VEGFD: variants seen among roughly 807,000 people sequenced by gnomAD.
VEGFD encodes the protein c-fos induced growth factor (vascular endothelial growth factor D).
VEGFD carries 26 observed loss-of-function variants against 28.0 expected under a neutral mutation model. That is an observed-to-expected ratio of 0.93 (90% CI 0.68 to 1.29). VEGFD has a LOEUF of 1.29. Ranked by LOEUF, VEGFD falls within the 50% of genes most tolerant of loss-of-function variation. The pLI, the probability that VEGFD is intolerant of heterozygous loss-of-function variation, is 0.00. For missense variants in VEGFD, 294 were observed against 273.4 expected (o/e 1.08, Z -0.53); for synonymous variants, 93 against 95.5 (o/e 0.97, Z 0.15).
At chrX:15,372,572 A>C (rs994084120) in intron 1 of VEGFD, among the ~76,000 whole-genome samples, 2 of 111,215 alleles carry the variant, frequency 1.8e-5, no homozygotes, top group Non-Finnish European at 3.8e-5. Flanking sequence ...TCTGGGCTGC[A>C]GCTTTGCCAT....
At chrX:15,381,555 A>G (rs991059199) in intron 1 of VEGFD, among the ~76,000 whole-genome samples, 23 of 111,192 alleles carry the variant, frequency 2.1e-4, no homozygotes, top group Admixed American at 9.5e-5. Flanking sequence ...AAAAATTCAA[A>G]TACCACCACC....
Position 15,351,510 on chromosome X carries a change from C to T in VEGFD, c.742+1558G>A, listed in dbSNP as rs774981355. 1.3e-4 allele frequency among the ~76,000 whole-genome samples: 15 copies of T among 111,742 alleles called. No individual in the cohort carries two copies. The East Asian group carries it at 4.0e-3, about 30-fold the overall frequency. ...GATTACAGGCATGAGCCACCATTCCCGGCCAACCCCACAAAAATTTTCTAA... is the reference window on the plus strand; with the variant it reads ...GATTACAGGCATGAGCCACCATTCCTGGCCAACCCCACAAAAATTTTCTAA... On this transcript the variant is annotated intron_variant, in intron 5 of 6. Transcript: ENST00000297904.
At chrX:15,380,077 A>G in intron 1 of VEGFD, among the ~76,000 whole-genome samples, 1 of 112,327 alleles carries the variant, frequency 8.9e-6, no homozygotes, top group Non-Finnish European at 1.9e-5. Flanking sequence ...ACTTAACTAC[A>G]AGGTCATAAA....
Position 15,347,255 on chromosome X carries a change from G to A in VEGFD, c.847C>T (p.Gln283Ter). 1 of 1,211,451 alleles carries A rather than the reference G, an allele frequency of 8.3e-7. No homozygotes were observed. The highest frequency in any genetic ancestry group is 1.1e-6 in the Non-Finnish European group (1 of 895,175). The change falls in exon 6 of 7, where the codon CAG becomes TAG. Residue 283 changes from glutamine (Q) to a stop codon, truncating the protein, a stop_gained. Transcript: ENST00000297904. LOFTEE classifies it high-confidence loss of function. Reference protein sequence around the residue: ...CKTPCPKDLIQHPKNCSCFEC... With the variant: ...CKTPCPKDLI ...AAGCAACTGCAGTTTTTGGGGTGCTGGATTAGATCTTTGGGACATGGTGTT... is the reference window on the plus strand; with the variant it reads ...AAGCAACTGCAGTTTTTGGGGTGCTAGATTAGATCTTTGGGACATGGTGTT...
chrX:15,378,158 C>T (rs1234734880), intron 1 of VEGFD, among the ~76,000 whole-genome samples: 2 of 111,679 alleles, frequency 1.8e-5, no homozygotes, highest in Non-Finnish European at 3.8e-5. Context: ...TTTCTGTTAC[C>T]AACAGGCTGG....
intron 3 of VEGFD, among the ~76,000 whole-genome samples, 193 bp from the exon 4 acceptor site, chrX:15,355,491 G>C (rs1251447393): frequency 8.9e-6 from 1 of 111,856 alleles, no homozygotes; most frequent in Non-Finnish European, 1.9e-5. Context: ...TTAACTTTTT[G>C]ATCATTGATA....
At chrX:15,373,635 CAA>C (rs1028097236) in intron 1 of VEGFD, among the ~76,000 whole-genome samples, 1 of 111,589 alleles carries the variant, frequency 9.0e-6, no homozygotes, top group African/African-American at 3.3e-5. Context: ...TAAAAATTTA[CAA>C]GTGTTCCCTG....
At chrX:15,353,758 T>C (rs753897214) in intron 4 of VEGFD, among the ~76,000 whole-genome samples, 6 of 110,349 alleles carry the variant, frequency 5.4e-5, no homozygotes, top group Non-Finnish European at 1.1e-4. Context: ...AAAAAGATTT[T>C]AAAGGAGCTT....
chrX:15,349,904 T>C (rs1198846426), intron 5 of VEGFD, among the ~76,000 whole-genome samples: 3 of 111,572 alleles, frequency 2.7e-5, no homozygotes, highest in Non-Finnish European at 3.8e-5. Flanking sequence ...TGGGGACTTA[T>C]AGGAGATGAG....
rs184804935 is a variant in VEGFD at position 15,363,131 on chromosome X, G to C, written c.279C>G (p.Phe93Leu). ...TACCTTTTAGTGTTTCAATGTCATAGAAAGTTGCCGCAAACCTAGTGGACC... is the reference window on the plus strand; with the variant it reads ...TACCTTTTAGTGTTTCAATGTCATACAAAGTTGCCGCAAACCTAGTGGACC... Reference protein sequence around the residue: ...SHRSTRFAATFYDIETLKVID... With the variant: ...SHRSTRFAATLYDIETLKVID... Residue 93 changes from phenylalanine (F) to leucine (L), a missense_variant, in exon 2 of 7, where the codon TTC becomes TTG. Coordinates refer to ENST00000297904, the MANE Select transcript of VEGFD (RefSeq NM_004469.5). The C allele has an allele frequency of 1.7e-6, 2 of 1,211,009 alleles. No individual in the cohort carries two copies. The highest frequency in any genetic ancestry group is 2.2e-6 in the Non-Finnish European group (2 of 895,097).
At chrX:15,374,310 A>G (rs960175832) in intron 1 of VEGFD, among the ~76,000 whole-genome samples, 1 of 112,197 alleles carries the variant, frequency 8.9e-6, no homozygotes, top group Non-Finnish European at 1.9e-5. Flanking sequence ...TAGCCAAAAA[A>G]CTAGAAACAA....
chrX:15,346,142 C>A lies in VEGFD; in HGVS notation c.1056G>T (p.Lys352Asn), dbSNP rs745667264. The stretch of plus-strand genomic sequence containing the variant: ...AACTTGGAACGCTGAATCAAGGATT[C>A]TTTCGGCTGTGGGGCCCCTGGGCAG... ...KRAAQGPHSR[K>N]NP Residue 352 changes from lysine (K) to asparagine (N), a missense_variant, in exon 7 of 7, where the codon AAG (lysine) becomes AAT (asparagine). Lys to Asn is a moderately conservative substitution (Grantham distance 94, BLOSUM62 0). Transcript: ENST00000297904. 2 of 1,210,746 alleles carry A rather than the reference C, an allele frequency of 1.7e-6. No homozygotes were observed.
At position 15,355,279 on chromosome X, in the gene VEGFD, G is replaced by A; in HGVS notation, c.512C>T (p.Pro171Leu). Residue 171 changes from proline to leucine, a missense_variant, in exon 4 of 7, where the codon CCT (proline) becomes CTT (leucine). Pro to Leu is a moderately conservative substitution (Grantham distance 98, BLOSUM62 -3). Coordinates refer to ENST00000297904, the MANE Select transcript of VEGFD (RefSeq NM_004469.5). Reference sequence around the variant, plus strand: ...CACTAATTCAGGTACTGATGTCAAAGGCACTGATATCTCAAAGAGCTACAG... The same window carrying A: ...CACTAATTCAGGTACTGATGTCAAAAGCACTGATATCTCAAAGAGCTACAG... ...ISKQLFEISV[P>L]LTSVPELVPV... The A allele has an allele frequency of 8.4e-7, 1 of 1,191,695 alleles. No individual in the cohort carries two copies.
At chrX:15,378,675 A>C (rs1294436777) in intron 1 of VEGFD, among the ~76,000 whole-genome samples, 1 of 111,994 alleles carries the variant, frequency 8.9e-6, no homozygotes, top group Non-Finnish European at 1.9e-5. Context: ...AAAACAGTGT[A>C]ATAATTTATA....
chrX:15,346,636 A>C lies in VEGFD; in HGVS notation c.939-377T>G, dbSNP rs375716241. 3.6e-5 allele frequency among the ~76,000 whole-genome samples: 4 copies of C among 112,412 alleles called. No individual in the cohort carries two copies. In the East Asian group the frequency reaches 1.1e-3, roughly 31 times the overall value. On this transcript the variant is annotated intron_variant, in intron 6 of 6. Coordinates refer to ENST00000297904, the MANE Select transcript of VEGFD (RefSeq NM_004469.5). Reference sequence around the variant, plus strand: ...AATTTTACCAATTTCATTGTTGTTTAAGAGCTCTAAACCCCGGGTGGGCGC... The same window carrying C: ...AATTTTACCAATTTCATTGTTGTTTCAGAGCTCTAAACCCCGGGTGGGCGC...
At chrX:15,365,520 A>G (rs889036392) in intron 1 of VEGFD, among the ~76,000 whole-genome samples, 4 of 112,197 alleles carry the variant, frequency 3.6e-5, no homozygotes, top group Non-Finnish European at 7.5e-5. Flanking sequence ...TTGTAAATCA[A>G]GTTGTATTGA....
intron 5 of VEGFD, among the ~76,000 whole-genome samples, chrX:15,350,310 T>C (rs1243649597): frequency 8.9e-6 from 1 of 111,873 alleles, no homozygotes; most frequent in Non-Finnish European, 1.9e-5. Context: ...TACCCGCTGC[T>C]TAGAACAGCA....
At chrX:15,355,383 T>C (rs1014372086) in intron 3 of VEGFD, 85 bp from the exon 4 acceptor site, 9 of 830,678 alleles carry the variant, frequency 1.1e-5, no homozygotes, top group Non-Finnish European at 1.3e-5. Flanking sequence ...TTTTTGCCTT[T>C]GTCATTTACG....
intron 1 of VEGFD, among the ~76,000 whole-genome samples, chrX:15,381,062 T>C (rs1282403672): frequency 2.7e-5 from 3 of 112,338 alleles, no homozygotes; most frequent in African/African-American, 6.5e-5. Context: ...CTAAATAGTA[T>C]ACACAGTGGA....
Sources: allele counts gnomAD v4.1 joint callset (sites outside exome capture counted in the v4.1 genomes callset), GRCh38; gene constraint gnomAD v4.1.1; transcripts MANE v1.5; gene names NCBI Gene and HGNC (gene_info 2026-07-23, HGNC 2026-07-21).